The following NLRP5 variants were observed in gnomAD, a reference collection of about 807,000 sequenced individuals.
NLRP5 encodes NLR family pyrin domain containing 5.
Under a neutral mutation model 113.1 loss-of-function variants are expected in NLRP5, and 93 were observed. The ratio of observed to expected loss-of-function variants is 0.82; its 90% CI spans 0.70 to 0.98. The LOEUF (loss-of-function observed/expected upper bound fraction) is 0.98, where lower values mean the gene tolerates loss of function less well. Ranked by LOEUF, NLRP5 falls within the 50% of genes least tolerant of loss-of-function variation. The pLI, the probability that NLRP5 is intolerant of heterozygous loss-of-function variation, is 0.00. For missense variants in NLRP5, 1,808 were observed against 1,514.3 expected (o/e 1.19, Z -3.22); for synonymous variants, 751 against 600.7 (o/e 1.25, Z -3.66).
intron 2 of NLRP5, among the ~76,000 whole-genome samples, chr19:56,006,050 A>AG (rs1981898130): frequency 6.6e-6 from 1 of 152,172 alleles, no homozygotes; most frequent in Admixed American, 6.6e-5. Flanking sequence ...GTTTTCCATG[A>AG]GGTAGAGAGA....
Position 56,009,355 on chromosome 19 carries a change from A to AAAAAAAAAAC in NLRP5, c.508+506_508+507insAAAAACAAAA, listed in dbSNP as rs1428253417. Among the ~76,000 whole-genome samples, 102 of 149,980 alleles carry AAAAAAAAAAC rather than the reference A, an allele frequency of 6.8e-4. 1 individual carries two copies. In the Middle Eastern group the frequency reaches 0.011, roughly 16 times the overall value. ...ACTCCATCTCAAAAAAAAAAAAAAA[A>AAAAAAAAAAC]AAAAGAGTTCTGTGGTCTTCAGGCT... On this transcript the variant is annotated intron_variant, in intron 3 of 14. Transcript: ENST00000390649.
rs1380056567 is a variant in NLRP5, at chr19:56,061,597, A to G, written c.*69A>G. ...CTTTAAACGCTGTTTTCTCAGAGCAAGCTATGCACCTGGGAGTTCCTTCTC... is the reference window on the plus strand; with the variant it reads ...CTTTAAACGCTGTTTTCTCAGAGCAGGCTATGCACCTGGGAGTTCCTTCTC... On this transcript the variant is annotated 3_prime_UTR_variant, in exon 15 of 15. Coordinates refer to ENST00000390649, the MANE Select transcript of NLRP5 (RefSeq NM_153447.4). 3 of 1,550,320 alleles carry G rather than the reference A, an allele frequency of 1.9e-6. No individual in the cohort carries two copies. The highest frequency in any genetic ancestry group is 4.5e-5 in the East Asian group (2 of 44,432).
intron 13 of NLRP5, among the ~76,000 whole-genome samples, chr19:56,055,353 T>C (rs1286082327): frequency 6.6e-6 from 1 of 151,894 alleles, no homozygotes; most frequent in Non-Finnish European, 1.5e-5. Context: ...CTTGGTTCTC[T>C]GTCCCCTCAA....
intron 7 of NLRP5, among the ~76,000 whole-genome samples, chr19:56,029,568 A>G (rs1007744539): frequency 6.6e-6 from 1 of 152,046 alleles, no homozygotes; most frequent in Admixed American, 6.6e-5. Context: ...GCCCGGCCTC[A>G]TTTGTATTTA....
chr19:56,027,349 C>G lies in NLRP5; in HGVS notation c.1116C>G (p.Asn372Lys), dbSNP rs374545925. The change falls in exon 7 of 15, where the codon AAC becomes AAG. Residue 372 changes from asparagine to lysine, a missense_variant. Transcript: ENST00000390649. ...TCGATGACCTGGGCTCTGTCCTCAA[C>G]AATGACACAAAGCTCTGCAAAGACT... The G allele has an allele frequency of 5.0e-6, 8 of 1,613,272 alleles. 1 individual carries two copies. Among genetic ancestry groups the G allele is most frequent in the Non-Finnish European group, 6.8e-6 (8 of 1,179,818 alleles).
intron 4 of NLRP5, among the ~76,000 whole-genome samples, chr19:56,017,831 C>T (rs1171147049): frequency 2.0e-5 from 3 of 152,086 alleles, no homozygotes; most frequent in African/African-American, 4.8e-5. Flanking sequence ...GTTTTTTGCT[C>T]GTTTGTTTGT....
At chr19:55,994,742 T>A (rs1353274423), upstream of NLRP5, among the ~76,000 whole-genome samples, 1 of 152,182 alleles carries the variant, frequency 6.6e-6, no homozygotes, top group Non-Finnish European at 1.5e-5. Flanking sequence ...GTACAGAAGC[T>A]CTTTAGTTGG....
upstream of NLRP5, among the ~76,000 whole-genome samples, chr19:55,997,030 A>G (rs976909412): frequency 3.3e-5 from 5 of 152,266 alleles, no homozygotes; most frequent in African/African-American, 1.2e-4. Context: ...TCACCATTCT[A>G]ACTGGTGTGG....
chr19:56,061,545 C>G lies in NLRP5; in HGVS notation c.*17C>G, dbSNP rs1984355085. The G allele has an allele frequency of 1.2e-6, 2 of 1,613,596 alleles. No homozygotes were observed. The highest frequency in any genetic ancestry group is 1.1e-5 in the South Asian group (1 of 91,012). ...AAAAACTGAAGATACGGAAACCTGC[C>G]CCACTCACACCCATCTGATGGAGGA... On this transcript the variant is annotated 3_prime_UTR_variant, in exon 15 of 15. Transcript: ENST00000390649.
upstream of NLRP5, among the ~76,000 whole-genome samples, chr19:55,997,110 A>G (rs1161546592): frequency 6.6e-6 from 1 of 152,062 alleles, no homozygotes; most frequent in African/African-American, 2.4e-5. Flanking sequence ...TTTTTCTTGT[A>G]TCTGTTGGCT....
rs186250981 is a variant in NLRP5, at chr19:56,032,528, G to A, written c.2277-83G>A. The A allele has an allele frequency of 4.4e-4, 578 of 1,310,236 alleles. 5 individuals are homozygous for A. The East Asian group carries it at 0.012, about 26-fold the overall frequency. 81.2% of individuals were successfully genotyped at this position (1,310,236 alleles called of 1,614,324 possible). ...ACCGTGGTCTCACCTCGAGAGCTCG[G>A]TCCCTCTCCTCCGACGTGTTGCCAC... On this transcript the variant is annotated intron_variant, in intron 7 of 14. Transcript: ENST00000390649.
intron 9 of NLRP5, among the ~76,000 whole-genome samples, 195 bp from the exon 10 acceptor site, chr19:56,037,830 A>G (rs759272569): frequency 6.6e-6 from 1 of 152,176 alleles, no homozygotes; most frequent in East Asian, 1.9e-4. Flanking sequence ...AAGGACGTGA[A>G]CCCCATGAAA....
chr19:56,012,170 A>C (rs555115684), intron 3 of NLRP5, among the ~76,000 whole-genome samples: 1 of 151,608 alleles, frequency 6.6e-6, no homozygotes, highest in African/African-American at 2.4e-5. Flanking sequence ...TCTTTCTCCC[A>C]CAGAGTCTCG....
At chr19:56,030,881 CTT>C (rs1480290554) in intron 7 of NLRP5, among the ~76,000 whole-genome samples, 2 of 151,502 alleles carry the variant, frequency 1.3e-5, no homozygotes, top group African/African-American at 4.9e-5. Context: ...ACCCGGCTAA[CTT>C]TTGTATTTTT....
chr19:56,046,076 T>C (rs911715551), intron 11 of NLRP5, among the ~76,000 whole-genome samples: 7 of 152,226 alleles, frequency 4.6e-5, no homozygotes, highest in African/African-American at 1.2e-4. Context: ...TTCAGTATTA[T>C]GTTGGCTGTG....
At chr19:56,013,221 C>A (rs534050924) in intron 3 of NLRP5, among the ~76,000 whole-genome samples, 5 of 152,054 alleles carry the variant, frequency 3.3e-5, no homozygotes, top group African/African-American at 1.2e-4. Context: ...GAGATGGAGT[C>A]GTGCTCTGTT....
intron 3 of NLRP5, among the ~76,000 whole-genome samples, chr19:56,011,158 A>AATATATATATATAT (rs1555764999): frequency 1.1e-4 from 16 of 145,220 alleles, no homozygotes; most frequent in African/African-American, 3.7e-4. Flanking sequence ...GTCTTTAAAA[A>AATATATATATATAT]ATATATATAC....
chr19:56,019,046 T>C (rs1982513254), intron 4 of NLRP5, among the ~76,000 whole-genome samples: 1 of 152,146 alleles, frequency 6.6e-6, no homozygotes, highest in Non-Finnish European at 1.5e-5. Flanking sequence ...TCTGCCCGCC[T>C]CGGCCTCCCA....
intron 4 of NLRP5, among the ~76,000 whole-genome samples, chr19:56,018,348 C>A (rs1206281334): frequency 1.3e-5 from 2 of 152,166 alleles, no homozygotes; most frequent in Non-Finnish European, 2.9e-5. Context: ...TGTATTTAGC[C>A]TCACATGGTA....
Sources: gnomAD v4.1 joint callset for allele counts (sites outside exome capture counted in the v4.1 genomes callset) on GRCh38, gnomAD v4.1.1 for gene constraint, MANE v1.5 for transcripts, NCBI Gene and HGNC (gene_info 2026-07-23, HGNC 2026-07-21) for gene names.